C6: variants seen among roughly 807,000 people sequenced by gnomAD.
The protein encoded by C6 is complement C6.
A neutral mutation model predicts 112.9 loss-of-function variants in C6; 101 were observed. That is an observed-to-expected ratio of 0.89 (90% CI 0.76 to 1.06). The LOEUF (loss-of-function observed/expected upper bound fraction) is 1.06. Among genes scored for constraint, C6 ranks in the 50% least tolerant of loss-of-function variants. C6 has a pLI of 0.00. For synonymous variants in C6, 431 were observed against 384.1 expected, an observed-to-expected ratio of 1.12 and a Z score of -1.43; for missense variants, 1,202 against 1,104.6, an observed-to-expected ratio of 1.09 and a Z score of -1.25.
At chr5:41,199,747 C>G (rs141459878) in intron 4 of C6, 21 bp downstream of exon 4, 1 of 1,612,236 alleles carries the variant, frequency 6.2e-7, no homozygotes, top group African/African-American at 1.3e-5. Context: ...GGGGACTGAA[C>G]ATTTCACAAA....
At chr5:41,242,053 CT>C in intron 1 of C6, among the ~76,000 whole-genome samples, 1 of 152,226 alleles carries the variant, frequency 6.6e-6, no homozygotes, top group Admixed American at 6.5e-5. Context: ...AAGTTTAAGA[CT>C]TTTTTCCTCA....
chr5:41,189,873 T>A (rs1047931250), intron 5 of C6, among the ~76,000 whole-genome samples: 7 of 152,158 alleles, frequency 4.6e-5, no homozygotes, highest in Admixed American at 4.6e-4. Context: ...AGTATTTATG[T>A]TTTTGTTTCT....
chr5:41,177,313 C>T (rs1428892524), intron 7 of C6, among the ~76,000 whole-genome samples: 1 of 152,160 alleles, frequency 6.6e-6, no homozygotes, highest in Admixed American at 6.5e-5. Context: ...TTTATATTCT[C>T]TCTCCTCCAC....
chr5:41,200,729 G>T (rs752489803), intron 3 of C6, among the ~76,000 whole-genome samples: 6 of 152,044 alleles, frequency 3.9e-5, no homozygotes, highest in Non-Finnish European at 8.8e-5. Context: ...TTTGTGGTGG[G>T]TAAATATTTC....
intron 1 of C6, among the ~76,000 whole-genome samples, chr5:41,211,447 T>C (rs1006496812): frequency 1.7e-4 from 26 of 152,238 alleles, no homozygotes; most frequent in African/African-American, 5.8e-4. Flanking sequence ...AGTTCGTCGG[T>C]AAGTAACTCG....
At chr5:41,228,635 C>A (rs1429933662) in intron 1 of C6, among the ~76,000 whole-genome samples, 1 of 152,048 alleles carries the variant, frequency 6.6e-6, no homozygotes, top group East Asian at 1.9e-4. Context: ...TCTTTATATG[C>A]CTAATTCATT....
chr5:41,248,433 G>A (rs974834876), intron 1 of C6, among the ~76,000 whole-genome samples: 49 of 152,156 alleles, frequency 3.2e-4, no homozygotes, highest in African/African-American at 1.2e-3. Context: ...ATCTGACAAA[G>A]GTGTAATATC....
intron 1 of C6, among the ~76,000 whole-genome samples, chr5:41,254,554 A>G (rs1741565623): frequency 6.6e-6 from 1 of 152,228 alleles, no homozygotes; most frequent in South Asian, 2.1e-4. Context: ...CAGCCTCATT[A>G]TATAGCTACC....
intron 1 of C6, among the ~76,000 whole-genome samples, chr5:41,257,847 A>C (rs1209156109): frequency 1.3e-5 from 2 of 152,110 alleles, no homozygotes; most frequent in African/African-American, 4.8e-5. Context: ...GCTAATTATC[A>C]AATTTTCTTG....
chr5:41,260,853 T>C (rs1444463843), intron 1 of C6, among the ~76,000 whole-genome samples: 1 of 151,138 alleles, frequency 6.6e-6, no homozygotes, highest in African/African-American at 2.4e-5. Context: ...GTCCTATAGA[T>C]GGATACTGTG....
chr5:41,192,338 T>TTTG (rs1257572562), intron 5 of C6, among the ~76,000 whole-genome samples: 1 of 152,044 alleles, frequency 6.6e-6, no homozygotes, highest in Admixed American at 6.6e-5. Flanking sequence ...CTGTAGTAGA[T>TTTG]TTGTTGTTGT....
At chr5:41,250,785 T>C (rs1239599597) in intron 1 of C6, among the ~76,000 whole-genome samples, 1 of 152,206 alleles carries the variant, frequency 6.6e-6, no homozygotes, top group African/African-American at 2.4e-5. Flanking sequence ...TTTGCTGTTG[T>C]AAGCCACTGA....
intron 1 of C6, among the ~76,000 whole-genome samples, chr5:41,207,027 C>T (rs143458930): frequency 0.024 from 3,688 of 152,286 alleles, 164 homozygotes; most frequent in African/African-American, 0.084. Flanking sequence ...AAGCAGTTCT[C>T]TCAGCAGAAA....
chr5:41,180,196 TA>T, intron 7 of C6, among the ~76,000 whole-genome samples: 1 of 152,272 alleles, frequency 6.6e-6, no homozygotes, highest in South Asian at 2.1e-4. Flanking sequence ...AGCAATACGA[TA>T]AAAGTAGGAG....
At chr5:41,202,932 C>A (rs377648779) in intron 2 of C6, among the ~76,000 whole-genome samples, 156 bp downstream of exon 2, 1 of 152,222 alleles carries the variant, frequency 6.6e-6, no homozygotes, top group East Asian at 1.9e-4. Context: ...TTCCTTTCAA[C>A]CTCATAAGAG....
intron 5 of C6, among the ~76,000 whole-genome samples, chr5:41,192,204 A>G (rs1267017187): frequency 6.6e-6 from 1 of 152,104 alleles, no homozygotes; most frequent in Non-Finnish European, 1.5e-5. Flanking sequence ...ATTGATTTGC[A>G]TATTTTGAAC....
intron 1 of C6, among the ~76,000 whole-genome samples, chr5:41,251,139 T>C (rs1348691556): frequency 6.6e-6 from 1 of 152,188 alleles, no homozygotes; most frequent in Non-Finnish European, 1.5e-5. Context: ...CCATCTTACA[T>C]ATTATTCTCC....
rs186931013 is a variant in C6, at chr5:41,206,420, A to G, written c.-20-3170T>C. 7.2e-5 allele frequency among the ~76,000 whole-genome samples: 11 copies of G among 152,342 alleles called. No individual in the cohort carries two copies. The East Asian group carries it at 2.1e-3, about 29-fold the overall frequency. ...GGCTTCAGACGATTGGTAATAACAG[A>G]CTTCTCTGAGCTAAAGGAGGATGTT... is the stretch of plus-strand genomic sequence containing the variant. On this transcript the variant is annotated intron_variant, in intron 1 of 17. Coordinates refer to ENST00000337836, the MANE Select transcript of C6 (RefSeq NM_000065.5).
At chr5:41,199,549 T>C (rs1431857876) in intron 4 of C6, among the ~76,000 whole-genome samples, 1 of 152,142 alleles carries the variant, frequency 6.6e-6, no homozygotes, top group East Asian at 1.9e-4. Flanking sequence ...TGATTATAGA[T>C]TTGTGCAGAT....
Sources: allele counts gnomAD v4.1 joint callset (sites outside exome capture counted in the v4.1 genomes callset), GRCh38; gene constraint gnomAD v4.1.1; transcripts MANE v1.5; gene names NCBI Gene and HGNC (gene_info 2026-07-23, HGNC 2026-07-21).